FGGY: variants seen among roughly 807,000 people sequenced by gnomAD.
FGGY encodes the protein FGGY carbohydrate kinase domain containing, also known as FGGY carbohydrate kinase domain-containing protein.
In FGGY, 72 loss-of-function variants were observed where a neutral mutation model predicts 71.3. The ratio of observed to expected loss-of-function variants is 1.01; its 90% CI spans 0.84 to 1.23. FGGY has a LOEUF of 1.23. Among genes scored for constraint, FGGY ranks in the 50% most tolerant of loss-of-function variants. The probability of loss-of-function intolerance (pLI) is 0.00; values close to 1 mark genes in which losing one functional copy is unlikely to be tolerated. For synonymous variants in FGGY, 251 were observed against 250.3 expected (o/e 1.00, Z -0.02); for missense variants, 668 against 682.3 (o/e 0.98, Z 0.23).
intron 5 of FGGY, among the ~76,000 whole-genome samples, chr1:59,399,123 C>A (rs1264376476): frequency 6.6e-6 from 1 of 152,102 alleles, no homozygotes; most frequent in Non-Finnish European, 1.5e-5. Flanking sequence ...ATAATAGTTC[C>A]TATTTTATAG....
intron 7 of FGGY, among the ~76,000 whole-genome samples, chr1:59,521,289 G>A (rs887498432): frequency 2.0e-5 from 3 of 152,138 alleles, no homozygotes; most frequent in African/African-American, 7.2e-5. Context: ...GATGGAGGGA[G>A]GGGCAGAGAG....
At position 59,499,299 on chromosome 1, in the gene FGGY, G is replaced by GTTTTTTTTTTTTTTTTTTTTTTTTTTT. The variant is rs58170089; in HGVS notation, c.671-12996_671-12995insTTTTTTTTTTTTTTTTTTTTTTTTTTT. ...ACTGAACCCTATGTATACTATGTTT[G>GTTTTTTTTTTTTTTTTTTTTTTTTTTT]TTTTTTTTTTTTTTTTGATCTGGTA... On this transcript the variant is annotated intron_variant, in intron 6 of 15. Transcript: ENST00000303721. Among the ~76,000 whole-genome samples the GTTTTTTTTTTTTTTTTTTTTTTTTTTT allele has an allele frequency of 4.7e-5, 5 of 105,802 alleles. 1 individual carries two copies. The highest frequency in any genetic ancestry group is 7.9e-5 in the African/African-American group (2 of 25,450). 69.4% of individuals were successfully genotyped at this position (105,802 alleles called of 152,430 possible).
Position 59,762,575 on chromosome 1 carries a change from T to C in FGGY, c.1647T>C (p.Asn549=), listed in dbSNP as rs547139815. ...EHQKEYLAIM[N]DD is the part of the protein sequence containing the mutation. ...AGAAGGAGTATTTGGCGATCATGAA[T>C]GATGACTGAACAGGGCTTGCAGGTG... is the stretch of plus-strand genomic sequence containing the variant. Residue 549 remains asparagine, a synonymous_variant, in exon 16 of 16, where the codon AAT becomes AAC. Coordinates refer to ENST00000303721, the MANE Select transcript of FGGY (RefSeq NM_018291.5). 11 of 1,613,770 alleles carry C rather than the reference T, an allele frequency of 6.8e-6. No homozygotes were observed. The highest frequency in any genetic ancestry group is 1.6e-4 in the Middle Eastern group (1 of 6,062).
Position 59,378,765 on chromosome 1 carries a change from G to T in FGGY, c.482G>T (p.Cys161Phe), listed in dbSNP as rs777679016. The T allele has an allele frequency of 2.5e-6, 4 of 1,613,298 alleles. No individual in the cohort carries two copies. The highest frequency in any genetic ancestry group is 3.4e-6 in the Non-Finnish European group (4 of 1,179,606). Residue 161 changes from cysteine to phenylalanine, a missense_variant, in exon 5 of 16, where the codon TGC (cysteine) becomes TTC (phenylalanine). Physicochemically the swap from Cys to Phe is radical, Grantham distance 205. This residue lies in a region of FGGY where 661 missense variants were observed against 661.6 expected (regional missense o/e 1.00). Coordinates refer to ENST00000303721, the MANE Select transcript of FGGY (RefSeq NM_018291.5). ...LWLKENLREI[C>F]WDKAGHFFDL... ...ATTTGGCAGAACTTGAGAGAGATTT[G>T]CTGGGATAAGGCGGGACATTTCTTT...
At chr1:59,619,111 G>A (rs886718759) in intron 9 of FGGY, among the ~76,000 whole-genome samples, 12 of 152,078 alleles carry the variant, frequency 7.9e-5, no homozygotes, top group African/African-American at 2.7e-4. Context: ...TTATGAGTCT[G>A]TCACTTGTGA....
chr1:59,585,206 T>C (rs1333717038), intron 8 of FGGY, among the ~76,000 whole-genome samples: 2 of 152,130 alleles, frequency 1.3e-5, no homozygotes, highest in African/African-American at 4.8e-5. Flanking sequence ...GAGCCCACAT[T>C]GCCAAGTCAA....
intron 11 of FGGY, among the ~76,000 whole-genome samples, chr1:59,652,602 A>G (rs1418548687): frequency 7.1e-6 from 1 of 141,376 alleles, no homozygotes; most frequent in Non-Finnish European, 1.5e-5. Flanking sequence ...TTTCAGCTCC[A>G]TCGGCTCCTT....
At chr1:59,658,990 G>C (rs1327955494) in intron 11 of FGGY, among the ~76,000 whole-genome samples, 1 of 152,180 alleles carries the variant, frequency 6.6e-6, no homozygotes, top group African/African-American at 2.4e-5. Flanking sequence ...GGGAAGCCAA[G>C]GCAGGTGTAT....
chr1:59,688,261 GT>G (rs1225010026), intron 14 of FGGY, among the ~76,000 whole-genome samples: 1 of 152,202 alleles, frequency 6.6e-6, no homozygotes, highest in African/African-American at 2.4e-5. Flanking sequence ...TAATAGATAT[GT>G]GATTATTCTC....
intron 11 of FGGY, among the ~76,000 whole-genome samples, chr1:59,644,437 A>G (rs2097069121): frequency 6.6e-6 from 1 of 152,194 alleles, no homozygotes; most frequent in Non-Finnish European, 1.5e-5. Flanking sequence ...GCCTAATAGC[A>G]TGGCTGGACT....
intron 14 of FGGY, among the ~76,000 whole-genome samples, chr1:59,717,732 G>C (rs12077102): frequency 0.038 from 5,794 of 152,190 alleles, 369 homozygotes; most frequent in African/African-American, 0.13. Context: ...CTAGTCTCAC[G>C]GCTACTGGCA....
chr1:59,482,281 A>C (rs1394608636), intron 6 of FGGY, among the ~76,000 whole-genome samples: 1 of 152,138 alleles, frequency 6.6e-6, no homozygotes, highest in Non-Finnish European at 1.5e-5. Context: ...GAATTATTTC[A>C]AAAACCAGCC....
At chr1:59,761,022 C>G (rs901806073) in intron 15 of FGGY, among the ~76,000 whole-genome samples, 8 of 152,154 alleles carry the variant, frequency 5.3e-5, no homozygotes, top group Non-Finnish European at 1.0e-4. Context: ...TATTAATTAT[C>G]TAAAATTTAG....
At chr1:59,644,857 G>A (rs1030245143) in intron 11 of FGGY, among the ~76,000 whole-genome samples, 1 of 151,886 alleles carries the variant, frequency 6.6e-6, no homozygotes, top group Non-Finnish European at 1.5e-5. Flanking sequence ...CACACCTATG[G>A]TCCCAGCTAC....
In FGGY at chr1:59,751,225, C is replaced by A. The variant is rs555073499; in HGVS notation, c.1513-6706C>A. Among the ~76,000 whole-genome samples the A allele has an allele frequency of 2.6e-5, 4 of 152,246 alleles. No individual in the cohort carries two copies. In the South Asian group the frequency reaches 6.2e-4, roughly 24 times the overall value. Reference sequence around the variant, plus strand: ...TATTCACAAAGTGGTGATAGATGATCTGTGTCCTAATGTCCTTTTGAGGGT... The same window carrying A: ...TATTCACAAAGTGGTGATAGATGATATGTGTCCTAATGTCCTTTTGAGGGT... On this transcript the variant is annotated intron_variant, in intron 14 of 15. Coordinates refer to ENST00000303721, the MANE Select transcript of FGGY (RefSeq NM_018291.5).
chr1:59,390,631 C>T (rs551656803), intron 5 of FGGY, among the ~76,000 whole-genome samples: 4 of 152,190 alleles, frequency 2.6e-5, no homozygotes, highest in East Asian at 3.9e-4. Context: ...GAAGGGGAAT[C>T]GGGGCAGTGT....
intron 6 of FGGY, among the ~76,000 whole-genome samples, chr1:59,466,030 A>T (rs2092603261): frequency 6.6e-6 from 1 of 152,226 alleles, no homozygotes; most frequent in Non-Finnish European, 1.5e-5. Context: ...GGAACCAAAA[A>T]AGAGCTCACA....
chr1:59,709,172 G>A (rs2154025551), intron 14 of FGGY, among the ~76,000 whole-genome samples: 1 of 152,286 alleles, frequency 6.6e-6, no homozygotes, highest in Non-Finnish European at 1.5e-5. Flanking sequence ...AACAAAACAA[G>A]TTTAATTGAC....
At chr1:59,422,739 A>C (rs1368105634) in intron 5 of FGGY, among the ~76,000 whole-genome samples, 1 of 152,100 alleles carries the variant, frequency 6.6e-6, no homozygotes. Flanking sequence ...AAGACCTTCC[A>C]TATAGCAGTT....
Sources: gnomAD v4.1 joint callset for allele counts (sites outside exome capture counted in the v4.1 genomes callset) on GRCh38, gnomAD v4.1.1 for gene constraint, gnomAD v4.1.1 regional missense constraint, MANE v1.5 for transcripts, NCBI Gene and HGNC (gene_info 2026-07-23, HGNC 2026-07-21) for gene names.